The following ZCCHC7 variants were observed in gnomAD, a reference collection of about 807,000 sequenced individuals.
The protein encoded by ZCCHC7 is zinc finger CCHC-type containing 7, also known as zinc finger CCHC domain-containing protein 7.
A neutral mutation model predicts 52.0 loss-of-function variants in ZCCHC7; 35 were observed. The ratio of observed to expected loss-of-function variants is 0.67; its 90% CI spans 0.51 to 0.89. ZCCHC7 has a LOEUF of 0.89. Ranked by LOEUF, ZCCHC7 falls within the 40% of genes least tolerant of loss-of-function variation. The probability of loss-of-function intolerance (pLI) is 0.00; values close to 1 mark genes in which losing one functional copy is unlikely to be tolerated. For missense variants in ZCCHC7, 574 were observed against 649.1 expected (o/e 0.88, Z 1.26); for synonymous variants, 217 against 221.5 (o/e 0.98, Z 0.18).
At chr9:37,217,668 T>C (rs1250371970) in intron 2 of ZCCHC7, among the ~76,000 whole-genome samples, 1 of 152,184 alleles carries the variant, frequency 6.6e-6, no homozygotes, top group Non-Finnish European at 1.5e-5. Flanking sequence ...GTGTCCATGC[T>C]CTTGTCTAAT....
chr9:37,322,368 T>C (rs1830088076), intron 5 of ZCCHC7: 1 of 151,968 alleles, frequency 6.6e-6, no homozygotes, highest in Non-Finnish European at 1.5e-5. Flanking sequence ...TTGACTAATC[T>C]TAAAACCCCC....
chr9:37,199,327 CT>C (rs57881366), intron 2 of ZCCHC7, among the ~76,000 whole-genome samples: 10,167 of 129,568 alleles, frequency 0.078, 1,101 homozygotes, highest in African/African-American at 0.27. Context: ...TTTCTTTCTT[CT>C]TTTTTTTTTT....
intron 2 of ZCCHC7, among the ~76,000 whole-genome samples, chr9:37,129,446 C>T (rs139753198): frequency 2.2e-4 from 33 of 152,288 alleles, no homozygotes; most frequent in Admixed American, 7.9e-4. Context: ...ATGCTGTAAT[C>T]CTATTTCCAA....
chr9:37,297,683 G>A lies in ZCCHC7; in HGVS notation c.611-4505G>A, dbSNP rs552155375. 5.9e-4 allele frequency among the ~76,000 whole-genome samples: 90 copies of A among 152,276 alleles called. 1 individual carries two copies. The South Asian group carries it at 0.017, about 29-fold the overall frequency. Reference sequence around the variant, plus strand: ...ATGATTCTTAGTCTCTGGCACCTGCGGTGTAGATAACCAACTGGATATGCT... The same window carrying A: ...ATGATTCTTAGTCTCTGGCACCTGCAGTGTAGATAACCAACTGGATATGCT... On this transcript the variant is annotated intron_variant, in intron 2 of 8. Transcript: ENST00000336755.
chr9:37,320,685 G>A (rs962554057), intron 5 of ZCCHC7, among the ~76,000 whole-genome samples: 30 of 152,022 alleles, frequency 2.0e-4, no homozygotes, highest in African/African-American at 7.2e-4. Context: ...TAAGTATTTT[G>A]CCTCTCTTGG....
chr9:37,191,405 T>C, intron 2 of ZCCHC7, among the ~76,000 whole-genome samples: 1 of 152,150 alleles, frequency 6.6e-6, no homozygotes, highest in East Asian at 1.9e-4. Flanking sequence ...TCCTTTCTCT[T>C]TTATATTTCT....
At chr9:37,335,039 A>T (rs1168915255) in intron 6 of ZCCHC7, among the ~76,000 whole-genome samples, 2 of 152,138 alleles carry the variant, frequency 1.3e-5, no homozygotes, top group African/African-American at 4.8e-5. Context: ...TCCATTGGGT[A>T]AATTATAAGA....
At chr9:37,187,466 G>A (rs1379439404) in intron 2 of ZCCHC7, among the ~76,000 whole-genome samples, 1 of 152,198 alleles carries the variant, frequency 6.6e-6, no homozygotes, top group East Asian at 1.9e-4. Context: ...CTAGCCTGCC[G>A]GCTGCTCACC....
intron 4 of ZCCHC7, among the ~76,000 whole-genome samples, chr9:37,304,943 C>T (rs1275337834): frequency 6.6e-6 from 1 of 152,082 alleles, no homozygotes; most frequent in African/African-American, 2.4e-5. Context: ...CATAAGATAG[C>T]TTATTTCAAT....
intron 2 of ZCCHC7, among the ~76,000 whole-genome samples, chr9:37,166,309 T>C (rs937066712): frequency 6.6e-6 from 1 of 152,066 alleles, no homozygotes; most frequent in Non-Finnish European, 1.5e-5. Flanking sequence ...GGCAGGAGAA[T>C]TGCTTGAACC....
At chr9:37,356,431 T>C (rs1821706570) in intron 8 of ZCCHC7, among the ~76,000 whole-genome samples, 1 of 152,230 alleles carries the variant, frequency 6.6e-6, no homozygotes, top group African/African-American at 2.4e-5. Context: ...CTTTAGAGGG[T>C]GGTTGAAATG....
At chr9:37,311,755 A>G (rs539940935) in intron 5 of ZCCHC7, among the ~76,000 whole-genome samples, 154 of 152,320 alleles carry the variant, frequency 1.0e-3, no homozygotes, top group African/African-American at 3.6e-3. Context: ...TATCAGCCAT[A>G]TACTACAATA....
intron 2 of ZCCHC7, among the ~76,000 whole-genome samples, chr9:37,178,108 C>T (rs544479408): frequency 6.6e-6 from 1 of 152,122 alleles, no homozygotes; most frequent in African/African-American, 2.4e-5. Flanking sequence ...TTTCTGTAAA[C>T]CTAAAACTGT....
chr9:37,267,096 A>C (rs1462515924), intron 2 of ZCCHC7, among the ~76,000 whole-genome samples: 1 of 152,150 alleles, frequency 6.6e-6, no homozygotes, highest in Non-Finnish European at 1.5e-5. Flanking sequence ...CCCAGTTTCA[A>C]AGGCTTTGGA....
intron 2 of ZCCHC7, among the ~76,000 whole-genome samples, chr9:37,212,004 G>T (rs1335442142): frequency 8.6e-6 from 1 of 116,700 alleles, no homozygotes; most frequent in South Asian, 2.9e-4. Flanking sequence ...TCCAGCCTGG[G>T]TGACAGAGCG....
intron 2 of ZCCHC7, among the ~76,000 whole-genome samples, chr9:37,217,175 C>T (rs989627759): frequency 1.4e-4 from 22 of 151,974 alleles, no homozygotes; most frequent in Non-Finnish European, 2.4e-4. Flanking sequence ...AATATTTTTT[C>T]TTAATACTAA....
At chr9:37,255,763 G>C (rs1265307312) in intron 2 of ZCCHC7, among the ~76,000 whole-genome samples, 2 of 152,084 alleles carry the variant, frequency 1.3e-5, no homozygotes, top group Admixed American at 6.6e-5. Context: ...TTTGGTTTTA[G>C]CTCTTTGTCT....
chr9:37,122,448 A>G (rs1271536901), intron 1 of ZCCHC7, among the ~76,000 whole-genome samples: 1 of 152,208 alleles, frequency 6.6e-6, no homozygotes, highest in African/African-American at 2.4e-5. Flanking sequence ...TTGAGTACCA[A>G]CTTGGGAGAT....
intron 6 of ZCCHC7, among the ~76,000 whole-genome samples, chr9:37,338,198 A>G (rs544222821): frequency 6.6e-6 from 1 of 152,246 alleles, no homozygotes; most frequent in South Asian, 2.1e-4. Context: ...TGTCCTGTTT[A>G]CAAAAAGAAA....
Sources: gnomAD v4.1 joint callset for allele counts (sites outside exome capture counted in the v4.1 genomes callset) on GRCh38, gnomAD v4.1.1 for gene constraint, MANE v1.5 for transcripts, NCBI Gene and HGNC (gene_info 2026-07-23, HGNC 2026-07-21) for gene names.